Variants in FXR1 observed in about 807,000 individuals in gnomAD.
FXR1 encodes the protein FMR1 autosomal homolog 1, also known as RNA-binding protein FXR1.
FXR1 carries 15 observed loss-of-function variants against 84.0 expected under a neutral mutation model. The ratio of observed to expected loss-of-function variants is 0.18; its 90% CI spans 0.12 to 0.27. The LOEUF (loss-of-function observed/expected upper bound fraction) is 0.27, where lower values mean the gene tolerates loss of function less well. FXR1 is among the 10% of genes least tolerant of loss of function. FXR1 has a pLI of 1.00. For synonymous variants in FXR1, 245 were observed against 250.7 expected (o/e 0.98, Z 0.21); for missense variants, 480 against 774.4 (o/e 0.62, Z 4.51).
chr3:180,919,649 AATTAAT>A lies in FXR1; in HGVS notation c.51+6918_51+6923del, dbSNP rs560150839. ...GGTATATTAGGTTAAATAATATTGA[AATTAAT>A]ATTATCTATTTCTTTTCATGCATTT... On this transcript the variant is annotated intron_variant, in intron 1 of 16. Coordinates refer to ENST00000357559, the MANE Select transcript of FXR1 (RefSeq NM_005087.4). 3.1e-3 allele frequency among the ~76,000 whole-genome samples: 464 copies of A among 151,082 alleles called. 1 individual carries two copies. The highest frequency in any genetic ancestry group is 5.0e-3 in the Non-Finnish European group (338 of 67,820).
At chr3:180,913,429 T>G (rs1416228393) in intron 1 of FXR1, among the ~76,000 whole-genome samples, 1 of 152,188 alleles carries the variant, frequency 6.6e-6, no homozygotes, top group Non-Finnish European at 1.5e-5. Context: ...AAAGTAAGAT[T>G]TAAAATGCGA....
chr3:180,980,298 A>AT lies in FXR1; in HGVS notation c.*4011dup, dbSNP rs1043653420. The AT allele has an allele frequency of 1.3e-5, 2 of 151,974 alleles. No homozygotes were observed. Among genetic ancestry groups the AT allele is most frequent in the Non-Finnish European group, 2.9e-5 (2 of 67,940 alleles). 9.4% of individuals were successfully genotyped at this position (151,974 alleles called of 1,614,324 possible). ...AGATATTCCAAACAAGGACAAAGTA[A>AT]TTTTTCACAAGTCTTACAGCCCCAC... On this transcript the variant is annotated 3_prime_UTR_variant, in exon 17 of 17. Transcript: ENST00000357559.
At chr3:180,945,545 C>G (rs1251141255) in intron 3 of FXR1, among the ~76,000 whole-genome samples, 1 of 152,204 alleles carries the variant, frequency 6.6e-6, no homozygotes, top group East Asian at 1.9e-4. Context: ...GGTGGCACCA[C>G]AGGTGCACGC....
In FXR1 at chr3:180,942,470, AC is replaced by A. The variant is rs1229997229; in HGVS notation, c.199-5394del. Among the ~76,000 whole-genome samples, 6 of 150,690 alleles carry A rather than the reference AC, an allele frequency of 4.0e-5. 1 individual carries two copies. Among genetic ancestry groups the A allele is most frequent in the Admixed American group, 2.0e-4 (3 of 15,122 alleles). Reference sequence around the variant, plus strand: ...TGACTTTAGGATCCAGATTGGAATTACATTTAAATCACTCACATTTGTTTGC... The same window carrying A: ...TGACTTTAGGATCCAGATTGGAATTAATTTAAATCACTCACATTTGTTTGC... On this transcript the variant is annotated intron_variant, in intron 3 of 16. Transcript: ENST00000357559.
At chr3:180,959,039 C>CAGG (rs1265764315) in intron 10 of FXR1, among the ~76,000 whole-genome samples, 2 of 152,050 alleles carry the variant, frequency 1.3e-5, no homozygotes, top group Non-Finnish European at 2.9e-5. Context: ...ATCTCTTGAC[C>CAGG]TTGTGATCCA....
chr3:180,932,084 A>AAAAAAAC (rs1719998412), intron 1 of FXR1, among the ~76,000 whole-genome samples: 1 of 150,484 alleles, frequency 6.6e-6, no homozygotes, highest in South Asian at 2.1e-4. Flanking sequence ...TCAAAAAAAA[A>AAAAAAAC]AAAAAACAAC....
chr3:180,931,313 G>T (rs946466907), intron 1 of FXR1, among the ~76,000 whole-genome samples: 1 of 151,964 alleles, frequency 6.6e-6, no homozygotes, highest in Non-Finnish European at 1.5e-5. Context: ...CTGCCTCTTG[G>T]GTTCAAGCGA....
At chr3:180,962,193 C>T (rs1316085334) in intron 11 of FXR1, among the ~76,000 whole-genome samples, 1 of 152,198 alleles carries the variant, frequency 6.6e-6, no homozygotes, top group East Asian at 1.9e-4. Context: ...CACCTGTTCT[C>T]TGCCTCTAGT....
chr3:180,955,093 C>T (rs1722617979), intron 9 of FXR1, among the ~76,000 whole-genome samples: 1 of 150,390 alleles, frequency 6.6e-6, no homozygotes, highest in Non-Finnish European at 1.5e-5. Context: ...CTCCTGGGTT[C>T]AAGCGATTCT....
chr3:180,959,677 T>A (rs1176185773), intron 10 of FXR1, among the ~76,000 whole-genome samples: 1 of 151,734 alleles, frequency 6.6e-6, no homozygotes, highest in East Asian at 2.0e-4. Context: ...AATGCCCTTT[T>A]ATCTGCTTGT....
In FXR1 at chr3:180,978,555, C is replaced by T. The variant is rs1239112935; in HGVS notation, c.*2263C>T. ...AGGTGAGATGTTGCTATGGGAAGAA[C>T]TTGCCACTATACACTAAACAGACAC... is the stretch of plus-strand genomic sequence containing the variant. On this transcript the variant is annotated 3_prime_UTR_variant, in exon 17 of 17. Transcript: ENST00000357559. The T allele has an allele frequency of 1.3e-5, 2 of 152,004 alleles. No homozygotes were observed. Among genetic ancestry groups the T allele is most frequent in the East Asian group, 3.9e-4 (2 of 5,180 alleles). 9.4% of individuals were successfully genotyped at this position (152,004 alleles called of 1,614,324 possible).
At chr3:180,952,918 C>G (rs1367796893) in intron 8 of FXR1, among the ~76,000 whole-genome samples, 2 of 150,900 alleles carry the variant, frequency 1.3e-5, no homozygotes, top group Non-Finnish European at 2.9e-5. Context: ...CTGCAGCCTC[C>G]AACCCCTGGG....
At chr3:180,925,149 T>C (rs1719019148) in intron 1 of FXR1, among the ~76,000 whole-genome samples, 2 of 152,000 alleles carry the variant, frequency 1.3e-5, no homozygotes, top group South Asian at 4.2e-4. Context: ...GATCACGAGG[T>C]CAGGAGTTCG....
intron 1 of FXR1, among the ~76,000 whole-genome samples, chr3:180,916,488 A>G (rs542108476): frequency 1.3e-5 from 2 of 152,156 alleles, no homozygotes; most frequent in African/African-American, 4.8e-5. Flanking sequence ...GCTCACTGCA[A>G]CCTCCACCTC....
At chr3:180,952,737 T>C (rs182041843) in intron 8 of FXR1, among the ~76,000 whole-genome samples, 38 of 152,178 alleles carry the variant, frequency 2.5e-4, no homozygotes, top group Non-Finnish European at 4.4e-4. Context: ...TTAGATGCAT[T>C]GTAAAAAATG....
intron 1 of FXR1, among the ~76,000 whole-genome samples, chr3:180,919,576 G>A (rs760141307): frequency 4.8e-5 from 7 of 144,704 alleles, no homozygotes; most frequent in East Asian, 2.1e-4. Flanking sequence ...GAGCCACTGC[G>A]CCGGGCCAAT....
At chr3:180,935,065 T>C in intron 2 of FXR1, 73 bp from the exon 3 acceptor site, 1 of 676,598 alleles carries the variant, frequency 1.5e-6, no homozygotes, top group Non-Finnish European at 2.6e-6. Context: ...ATAAACTAAC[T>C]TGAAAAAATA....
intron 1 of FXR1, among the ~76,000 whole-genome samples, chr3:180,920,956 TAAAG>T (rs1718510520): frequency 6.6e-6 from 1 of 152,244 alleles, no homozygotes; most frequent in Non-Finnish European, 1.5e-5. Flanking sequence ...TGTGTATTCT[TAAAG>T]AAATCTTCAC....
chr3:180,927,424 G>A (rs1719357484), intron 1 of FXR1, among the ~76,000 whole-genome samples: 1 of 151,950 alleles, frequency 6.6e-6, no homozygotes, highest in Admixed American at 6.6e-5. Context: ...CACAGCCAGG[G>A]TCCATAATAC....
Sources: allele counts gnomAD v4.1 joint callset (sites outside exome capture counted in the v4.1 genomes callset), GRCh38; gene constraint gnomAD v4.1.1; transcripts MANE v1.5; gene names NCBI Gene and HGNC (gene_info 2026-07-23, HGNC 2026-07-21).